PROCA1: variants seen among roughly 807,000 people sequenced by gnomAD.
The protein encoded by PROCA1 is protein PROCA1.
PROCA1 carries 22 observed loss-of-function variants against 23.2 expected under a neutral mutation model. The ratio of observed to expected loss-of-function variants is 0.95; its 90% confidence interval spans 0.68 to 1.35. The LOEUF is 1.35. Among genes scored for constraint, PROCA1 ranks in the 40% most tolerant of loss-of-function variants. The pLI, the probability that PROCA1 is intolerant of heterozygous loss-of-function variation, is 0.00. For missense variants in PROCA1, 469 were observed against 459.8 expected (o/e 1.02, Z -0.18); for synonymous variants, 182 against 179.2 (o/e 1.02, Z -0.12).
intron 1 of PROCA1, among the ~76,000 whole-genome samples, chr17:28,710,247 C>G (rs1013560789): frequency 6.6e-6 from 1 of 151,146 alleles, no homozygotes; most frequent in Non-Finnish European, 1.5e-5. Flanking sequence ...GCCTGTAATC[C>G]CAGTACTTTG....
At position 28,711,599 on chromosome 17, in the gene PROCA1, G is replaced by T. The variant is rs777128011; in HGVS notation, c.62C>A (p.Ala21Asp). 1 of 1,611,650 alleles carries T rather than the reference G, an allele frequency of 6.2e-7. No homozygotes were observed. ...GCATCTGCTCTCATCCCACGAGCGGGCCTTGGGCTCGGTCTTTTCCTTAGT... is the reference window on the plus strand; with the variant it reads ...GCATCTGCTCTCATCCCACGAGCGGTCCTTGGGCTCGGTCTTTTCCTTAGT... ...RWTKEKTEPK[A>D]RSWDESRCRD... is the part of the protein sequence containing the mutation. The change falls in exon 1 of 5, where the codon GCC (alanine) becomes GAC (aspartate). Residue 21 changes from alanine (A) to aspartate (D), a missense_variant. Ala to Asp is a moderately radical substitution (Grantham distance 126). Coordinates refer to ENST00000682792, the MANE Select transcript of PROCA1 (RefSeq NM_001366301.1).
At position 28,704,125 on chromosome 17, in the gene PROCA1, CTCTTCT is replaced by C. The variant is rs766684452; in HGVS notation, c.522_527del (p.Glu181_Glu182del). On this transcript the variant is annotated inframe_deletion, in exon 5 of 5. Transcript: ENST00000682792. Reference sequence around the variant, plus strand: ...GCTTGCTTTCCTCCTCCTCCTCTTCCTCTTCTTCATTTAGATCATCTGCCCCACACT... The same window carrying C: ...GCTTGCTTTCCTCCTCCTCCTCTTCCTCATTTAGATCATCTGCCCCACACT... The C allele has an allele frequency of 6.4e-7, 1 of 1,567,836 alleles. No homozygotes were observed.
At chr17:28,711,095 T>C (rs960106403) in intron 1 of PROCA1, 2 of 1,181,896 alleles carry the variant, frequency 1.7e-6, no homozygotes, top group Admixed American at 3.6e-5. Flanking sequence ...AATGCCTCTC[T>C]GGCCTCGCCG....
chr17:28,711,036 G>A (rs1185717930), intron 1 of PROCA1: 6 of 1,192,644 alleles, frequency 5.0e-6, no homozygotes, highest in South Asian at 3.0e-5. Flanking sequence ...AGAGGAAGGA[G>A]GGAAGAGGAG....
At chr17:28,710,689 T>C (rs913995364) in intron 1 of PROCA1, among the ~76,000 whole-genome samples, 1 of 152,056 alleles carries the variant, frequency 6.6e-6, no homozygotes, top group Non-Finnish European at 1.5e-5. Flanking sequence ...CAATCTGCTC[T>C]TTAGTTCCAG....
rs199602495 is a variant in PROCA1, at chr17:28,704,459, C to G, written c.312-24G>C. The G allele has an allele frequency of 5.9e-4, 948 of 1,601,974 alleles. 4 individuals carry two copies. In the East Asian group the frequency reaches 7.7e-3, roughly 13 times the overall value. On this transcript the variant is annotated intron_variant, in intron 3 of 4. Coordinates refer to ENST00000682792, the MANE Select transcript of PROCA1 (RefSeq NM_001366301.1). ...GCCTGCCACACATGGGACTCTCAGC[C>G]TGGCTCCCATCACTCCCCCAGGGAC...
At position 28,703,607 on chromosome 17, in the gene PROCA1, T is replaced by G. The variant is rs757005530; in HGVS notation, c.1046A>C (p.Lys349Thr). 6.2e-7 allele frequency: 1 copy of G among 1,614,256 alleles called. No homozygotes were observed. Among genetic ancestry groups the G allele is most frequent in the South Asian group, 1.1e-5 (1 of 91,082 alleles). The change falls in exon 5 of 5, where the codon AAG becomes ACG. Residue 349 changes from lysine to threonine, a missense_variant. Coordinates refer to ENST00000682792, the MANE Select transcript of PROCA1 (RefSeq NM_001366301.1). The stretch of plus-strand genomic sequence containing the variant: ...TGGGGGAGATTTTCTCTTGTTTACC[T>G]TCCTGGCTTGTGAGGGCTTTGCCCC... ...KTGAKPSQAR[K>T]VNKRKSPPGS...
Position 28,703,644 on chromosome 17 carries a change from C to T in PROCA1, c.1009G>A (p.Ala337Thr), listed in dbSNP as rs181428051. The change falls in exon 5 of 5, where the codon GCC (alanine) becomes ACC (threonine). Residue 337 changes from alanine (A) to threonine (T), a missense_variant. Coordinates refer to ENST00000682792, the MANE Select transcript of PROCA1 (RefSeq NM_001366301.1). ...SPRKRENTVQ[A>T]KKTGAKPSQA... Reference sequence around the variant, plus strand: ...GAGGGCTTTGCCCCTGTCTTTTTGGCCTGGACTGTGTTCTCTCTCTTCCTG... The same window carrying T: ...GAGGGCTTTGCCCCTGTCTTTTTGGTCTGGACTGTGTTCTCTCTCTTCCTG... 1 of 1,614,174 alleles carries T rather than the reference C, an allele frequency of 6.2e-7. No individual in the cohort carries two copies. The highest frequency in any genetic ancestry group is 1.3e-5 in the African/African-American group (1 of 75,030).
Position 28,703,665 on chromosome 17 carries a change from T to C in PROCA1, c.988A>G (p.Lys330Glu), listed in dbSNP as rs773690375. ...EDIVESSSPR[K>E]RENTVQAKKT... ...TTGGCCTGGACTGTGTTCTCTCTCT[T>C]CCTGGGCGATGATGATTCCACAATA... The change falls in exon 5 of 5, where the codon AAG becomes GAG. Residue 330 changes from lysine to glutamate, a missense_variant. Physicochemically the swap from Lys to Glu is moderately conservative, Grantham distance 56 (BLOSUM62 1). Transcript: ENST00000682792. 6 of 1,614,210 alleles carry C rather than the reference T, an allele frequency of 3.7e-6. No homozygotes were observed. Among genetic ancestry groups the C allele is most frequent in the East Asian group, 2.2e-5 (1 of 44,874 alleles).
At chr17:28,711,353 A>G (rs568632051) in intron 1 of PROCA1, 3 of 554,498 alleles carry the variant, frequency 5.4e-6, no homozygotes, top group African/African-American at 4.1e-5. Context: ...GGGCCTCAGG[A>G]CCCCAGTCCT....
At chr17:28,708,077 T>G (rs2032605758) in intron 1 of PROCA1, among the ~76,000 whole-genome samples, 1 of 152,166 alleles carries the variant, frequency 6.6e-6, no homozygotes, top group Non-Finnish European at 1.5e-5. Flanking sequence ...TGGTGGGATC[T>G]CGGCTTACTG....
At position 28,704,824 on chromosome 17, in the gene PROCA1, G is replaced by GTCA. The variant is rs755415422; in HGVS notation, c.192_194dup (p.Asp65dup). On this transcript the variant is annotated inframe_insertion, in exon 3 of 5. Coordinates refer to ENST00000682792, the MANE Select transcript of PROCA1 (RefSeq NM_001366301.1). ...ACTGCTTGTGTCTCCAGCAGCACTT[G>GTCA]TCAGGCTCCTTGCAGTCACCTGAGG... is the stretch of plus-strand genomic sequence containing the variant. 8.2e-5 allele frequency: 132 copies of GTCA among 1,612,818 alleles called. 1 individual carries two copies. Among genetic ancestry groups the GTCA allele is most frequent in the Non-Finnish European group, 1.0e-4 (120 of 1,179,886 alleles).
In PROCA1 at chr17:28,704,327, C is replaced by T. The variant is rs1288325540; in HGVS notation, c.420G>A (p.Val140=). The change falls in exon 4 of 5, where the codon GTG becomes GTA. Residue 140 remains valine, a synonymous_variant. Transcript: ENST00000682792. ...CTCACCAGCCATACCGGAATCGCTCCACATGCTCCTCCTCCGGTGTGAGCT... is the reference window on the plus strand; with the variant it reads ...CTCACCAGCCATACCGGAATCGCTCTACATGCTCCTCCTCCGGTGTGAGCT... ...CFELTPEEEH[V]ERFRYGWCKS... is the part of the protein sequence containing the mutation. 1 of 1,613,764 alleles carries T rather than the reference C, an allele frequency of 6.2e-7. No individual in the cohort carries two copies. The highest frequency in any genetic ancestry group is 1.3e-5 in the African/African-American group (1 of 74,924).
rs766176689 is a variant in PROCA1 at position 28,704,384 on chromosome 17, G to C, written c.363C>G (p.Thr121=). The change falls in exon 4 of 5, where the codon ACC becomes ACG. Residue 121 remains threonine, a synonymous_variant. Transcript: ENST00000682792. Reference sequence around the variant, plus strand: ...AAGGGGACTCGATGACATGGGAGCAGGTTGGGCCCGCGCCCCGGGAGCTGC... The same window carrying C: ...AAGGGGACTCGATGACATGGGAGCACGTTGGGCCCGCGCCCCGGGAGCTGC... The part of the protein sequence containing the change: ...DSSSSRGAGP[T]CSHVIESPCF... 1.2e-6 allele frequency: 2 copies of C among 1,614,112 alleles called. No individual in the cohort carries two copies. Among genetic ancestry groups the C allele is most frequent in the Admixed American group, 1.7e-5 (1 of 60,024 alleles).
At chr17:28,707,029 A>T in intron 1 of PROCA1, 1 of 337,306 alleles carries the variant, frequency 3.0e-6, no homozygotes, top group Non-Finnish European at 5.9e-6. Flanking sequence ...AGGGTAGCAC[A>T]GGACAAGGGC....
chr17:28,710,421 T>C (rs949417905), intron 1 of PROCA1, among the ~76,000 whole-genome samples: 7 of 149,488 alleles, frequency 4.7e-5, no homozygotes, highest in African/African-American at 1.5e-4. Context: ...GCAGGAGAAT[T>C]GTTTGAACCC....
At position 28,704,095 on chromosome 17, in the gene PROCA1, G is replaced by T. The variant is rs766912086; in HGVS notation, c.558C>A (p.Pro186=). ...EEEEEEESKP[P]IPTQVGPATA... is the part of the protein sequence containing the mutation. The stretch of plus-strand genomic sequence containing the variant: ...TGGCGGGCCCCACCTGTGTCGGGAT[G>T]GGGGGCTTGCTTTCCTCCTCCTCCT... The change falls in exon 5 of 5, where the codon CCC becomes CCA. Residue 186 remains proline (P), a synonymous_variant. Transcript: ENST00000682792. 1.3e-6 allele frequency: 2 copies of T among 1,586,218 alleles called. No individual in the cohort carries two copies. The highest frequency in any genetic ancestry group is 8.5e-7 in the Non-Finnish European group (1 of 1,170,592).
chr17:28,710,076 T>C (rs575162148), intron 1 of PROCA1, among the ~76,000 whole-genome samples: 1 of 152,210 alleles, frequency 6.6e-6, no homozygotes, highest in East Asian at 1.9e-4. Context: ...CCTCACCCTC[T>C]GGTTTTACTC....
rs1280985521 is a variant in PROCA1, at chr17:28,710,740, C to T, written c.91+830G>A. The stretch of plus-strand genomic sequence containing the variant: ...CTCTGACCAGCAGCAGTCCAGAGTT[C>T]CTGCAGCAGGAGTGACTGACAACAC... On this transcript the variant is annotated intron_variant, in intron 1 of 4. Transcript: ENST00000682792. The T allele has an allele frequency of 1.6e-5, 21 of 1,281,224 alleles. No individual in the cohort carries two copies. The African/African-American group carries it at 2.9e-4, about 18-fold the overall frequency. 79.4% of individuals were successfully genotyped at this position (1,281,224 alleles called of 1,614,324 possible).
Sources: gnomAD v4.1 joint callset for allele counts (sites outside exome capture counted in the v4.1 genomes callset) on GRCh38, gnomAD v4.1.1 for gene constraint, MANE v1.5 for transcripts, NCBI Gene and HGNC (gene_info 2026-07-23, HGNC 2026-07-21) for gene names.